Variants in SEMA3A observed in about 807,000 individuals in gnomAD.
SEMA3A encodes semaphorin 3A, also known as semaphorin-3A.
SEMA3A carries 29 observed loss-of-function variants against 97.9 expected under a neutral mutation model. That is an observed-to-expected ratio of 0.30 (90% CI 0.22 to 0.40). The LOEUF (loss-of-function observed/expected upper bound fraction) is 0.40. Ranked by LOEUF, SEMA3A falls within the 10% of genes least tolerant of loss-of-function variation. SEMA3A has a pLI of 1.00. For synonymous variants in SEMA3A, 321 were observed against 323.7 expected (o/e 0.99, Z 0.09); for missense variants, 763 against 951.3 (o/e 0.80, Z 2.60).
chr7:84,318,524 G>A (rs1393336475), intron 2 of SEMA3A, among the ~76,000 whole-genome samples: 2 of 151,596 alleles, frequency 1.3e-5, no homozygotes, highest in African/African-American at 2.4e-5. Flanking sequence ...GGGTTTCACC[G>A]TTTTAGCCGG....
intron 4 of SEMA3A, among the ~76,000 whole-genome samples, chr7:84,090,321 G>A (rs1794523217): frequency 6.6e-6 from 1 of 152,112 alleles, no homozygotes; most frequent in Non-Finnish European, 1.5e-5. Context: ...TTTTCATTCA[G>A]AGAACTAATG....
intron 6 of SEMA3A, among the ~76,000 whole-genome samples, chr7:84,036,482 A>G (rs1010250971): frequency 6.6e-6 from 1 of 152,126 alleles, no homozygotes; most frequent in Non-Finnish European, 1.5e-5. Flanking sequence ...GGGAGGACTT[A>G]TATCAGCAGT....
intron 1 of SEMA3A, among the ~76,000 whole-genome samples, chr7:84,463,335 G>A (rs1327159800): frequency 7.6e-6 from 1 of 131,506 alleles, no homozygotes; most frequent in Non-Finnish European, 1.6e-5. Context: ...TGCAACCTCC[G>A]CCTCCCGGGT....
intron 1 of SEMA3A, among the ~76,000 whole-genome samples, chr7:84,453,269 G>A (rs910761160): frequency 4.5e-4 from 65 of 144,784 alleles, no homozygotes; most frequent in African/African-American, 1.6e-3. Flanking sequence ...ACGGAGTCTC[G>A]CTGTCGCCCA....
At chr7:84,009,815 A>G (rs913232882) in intron 9 of SEMA3A, among the ~76,000 whole-genome samples, 5 of 151,152 alleles carry the variant, frequency 3.3e-5, no homozygotes, top group African/African-American at 4.9e-5. Context: ...AAGGGGAAGG[A>G]AGAAGGGAAG....
chr7:84,248,426 GA>G (rs1799524184), intron 3 of SEMA3A, among the ~76,000 whole-genome samples: 2 of 152,246 alleles, frequency 1.3e-5, no homozygotes, highest in South Asian at 2.1e-4. Context: ...CAGCAAAAGG[GA>G]ACTGGGAAAA....
At chr7:84,314,096 A>G (rs1339590004) in intron 2 of SEMA3A, among the ~76,000 whole-genome samples, 2 of 152,084 alleles carry the variant, frequency 1.3e-5, no homozygotes, top group Non-Finnish European at 2.9e-5. Context: ...CAAATATAAT[A>G]CTCAACATTT....
intron 2 of SEMA3A, among the ~76,000 whole-genome samples, chr7:84,308,245 T>G (rs2115852444): frequency 6.6e-6 from 1 of 152,254 alleles, no homozygotes; most frequent in Non-Finnish European, 1.5e-5. Flanking sequence ...CGGCAGACAT[T>G]TATTGGATCC....
chr7:84,035,389 C>A (rs142011386), intron 6 of SEMA3A, among the ~76,000 whole-genome samples: 237 of 151,954 alleles, frequency 1.6e-3, no homozygotes, highest in Non-Finnish European at 2.9e-3. Context: ...TGTAAAAATT[C>A]TCTAGCAAAT....
intron 1 of SEMA3A, among the ~76,000 whole-genome samples, chr7:84,410,855 C>T (rs1029735633): frequency 6.6e-6 from 1 of 152,088 alleles, no homozygotes; most frequent in African/African-American, 2.4e-5. Context: ...AGCTATTTGA[C>T]CGTTTTCCCA....
chr7:84,150,781 G>A (rs550912648), intron 1 of SEMA3A, among the ~76,000 whole-genome samples: 3 of 152,074 alleles, frequency 2.0e-5, no homozygotes. Flanking sequence ...TCCACCTCTG[G>A]GGGCAGGGCA....
intron 9 of SEMA3A, among the ~76,000 whole-genome samples, chr7:84,009,898 C>T (rs1333736941): frequency 4.6e-5 from 4 of 86,668 alleles, no homozygotes; most frequent in Admixed American, 1.7e-4. Flanking sequence ...GAGTTTGACA[C>T]TGGTTACAAA....
upstream of SEMA3A, among the ~76,000 whole-genome samples, chr7:84,195,877 G>C (rs1798215121): frequency 2.6e-5 from 4 of 152,146 alleles, no homozygotes; most frequent in Admixed American, 2.0e-4. Context: ...ATGAGCTGCT[G>C]AAGGGTTACT....
chr7:84,244,171 T>C (rs1030983354), intron 3 of SEMA3A, among the ~76,000 whole-genome samples: 1 of 152,092 alleles, frequency 6.6e-6, no homozygotes, highest in Admixed American at 6.6e-5. Flanking sequence ...GTCTCATTGA[T>C]CTAATATTGA....
chr7:84,100,499 TAAGTA>T, intron 4 of SEMA3A, among the ~76,000 whole-genome samples: 1 of 152,264 alleles, frequency 6.6e-6, no homozygotes, highest in East Asian at 1.9e-4. Context: ...TTGTGATAAT[TAAGTA>T]AAGTAATACT....
At chr7:84,270,390 A>C (rs1383197581) in intron 3 of SEMA3A, among the ~76,000 whole-genome samples, 1 of 151,934 alleles carries the variant, frequency 6.6e-6, no homozygotes, top group Non-Finnish European at 1.5e-5. Flanking sequence ...ATGAAGTTGA[A>C]AATGACAAGA....
intron 8 of SEMA3A, 41 bp from the exon 9 acceptor site, chr7:84,011,132 A>G: frequency 6.2e-7 from 1 of 1,603,680 alleles, no homozygotes. Flanking sequence ...TTTTTTATGG[A>G]ATGGCAAAGT....
At chr7:84,302,852 T>C (rs1347863240) in intron 3 of SEMA3A, among the ~76,000 whole-genome samples, 3 of 152,198 alleles carry the variant, frequency 2.0e-5, no homozygotes, top group African/African-American at 7.2e-5. Flanking sequence ...GTAATTTGTA[T>C]TCATCTTTGC....
intron 6 of SEMA3A, among the ~76,000 whole-genome samples, chr7:84,030,530 C>CTG (rs386410615): frequency 6.6e-6 from 1 of 151,832 alleles, no homozygotes; most frequent in East Asian, 1.9e-4. Context: ...ATTTAAATCT[C>CTG]TGAGAAGAAA....
Sources: gnomAD v4.1 joint callset for allele counts (sites outside exome capture counted in the v4.1 genomes callset) on GRCh38, gnomAD v4.1.1 for gene constraint, MANE v1.5 for transcripts, NCBI Gene and HGNC (gene_info 2026-07-23, HGNC 2026-07-21) for gene names.